Variants in DCC observed in about 807,000 individuals in gnomAD.
DCC encodes DCC netrin 1 receptor.
In DCC, 58 loss-of-function variants were observed where a neutral mutation model predicts 172.5. That is an observed-to-expected ratio of 0.34 (90% CI 0.27 to 0.42). DCC has a LOEUF of 0.42. Ranked by LOEUF, DCC falls within the 10% of genes least tolerant of loss-of-function variation. DCC has a pLI of 1.00. For missense variants in DCC, 1,740 were observed against 1,791.0 expected (o/e 0.97, Z 0.51); for synonymous variants, 709 against 644.5 (o/e 1.10, Z -1.52).
chr18:53,103,830 T>C (rs1458524358), intron 7 of DCC, among the ~76,000 whole-genome samples: 1 of 152,016 alleles, frequency 6.6e-6, no homozygotes, highest in African/African-American at 2.4e-5. Flanking sequence ...AGGTTAAGCA[T>C]GTGAGTGTCC....
chr18:53,345,246 C>T (rs931746033), intron 15 of DCC, among the ~76,000 whole-genome samples: 7 of 151,682 alleles, frequency 4.6e-5, no homozygotes, highest in Non-Finnish European at 8.8e-5. Flanking sequence ...AACAGTGGCC[C>T]CTCAACTATA....
chr18:52,990,836 T>C (rs1325527268), intron 5 of DCC, among the ~76,000 whole-genome samples: 2 of 152,192 alleles, frequency 1.3e-5, no homozygotes, highest in Non-Finnish European at 2.9e-5. Context: ...CAAAATATTA[T>C]TTTAAGCCAA....
At chr18:53,161,355 C>T (rs1044265045) in intron 8 of DCC, among the ~76,000 whole-genome samples, 1 of 152,282 alleles carries the variant, frequency 6.6e-6, no homozygotes, top group Admixed American at 6.5e-5. Context: ...CTCATTCACT[C>T]AGTTTCCTAT....
chr18:53,222,639 G>T (rs2055959562), intron 12 of DCC, among the ~76,000 whole-genome samples: 1 of 150,998 alleles, frequency 6.6e-6, no homozygotes, highest in East Asian at 1.9e-4. Flanking sequence ...GCCCGCCTCG[G>T]CCTCCCAAAA....
At chr18:53,412,847 A>G (rs997823530) in intron 20 of DCC, among the ~76,000 whole-genome samples, 3 of 152,204 alleles carry the variant, frequency 2.0e-5, no homozygotes, top group Non-Finnish European at 2.9e-5. Flanking sequence ...TTAAAAGGAC[A>G]TTTGTAATTA....
intron 1 of DCC, among the ~76,000 whole-genome samples, chr18:52,576,839 A>G (rs865836713): frequency 1.1e-4 from 17 of 151,734 alleles, no homozygotes; most frequent in African/African-American, 2.9e-4. Context: ...CAAAAAAAAA[A>G]AAAAAGAAAA....
chr18:52,490,148 G>A (rs1485065575), intron 1 of DCC, among the ~76,000 whole-genome samples: 2 of 152,000 alleles, frequency 1.3e-5, no homozygotes, highest in Non-Finnish European at 2.9e-5. Flanking sequence ...CCCCACTAGA[G>A]GCTAAAAGCA....
intron 5 of DCC, among the ~76,000 whole-genome samples, chr18:53,053,240 C>T (rs549364158): frequency 3.3e-5 from 5 of 152,116 alleles, no homozygotes; most frequent in South Asian, 4.1e-4. Context: ...TGATGTTCGG[C>T]GGTGTTAGTG....
intron 25 of DCC, among the ~76,000 whole-genome samples, chr18:53,477,392 T>A (rs1223061380): frequency 6.6e-6 from 1 of 152,198 alleles, no homozygotes; most frequent in Non-Finnish European, 1.5e-5. Flanking sequence ...TGTTTAAAAA[T>A]TTTGTATCTG....
chr18:53,144,445 G>C (rs180856153), intron 7 of DCC, among the ~76,000 whole-genome samples: 1 of 152,236 alleles, frequency 6.6e-6, no homozygotes, highest in Non-Finnish European at 1.5e-5. Context: ...GGAAGAGCAC[G>C]GGACATCTTA....
intron 1 of DCC, among the ~76,000 whole-genome samples, chr18:52,727,433 T>TA (rs920752035): frequency 6.6e-6 from 1 of 152,134 alleles, no homozygotes; most frequent in African/African-American, 2.4e-5. Context: ...GTGTAATGAA[T>TA]AACAGAGTTT....
chr18:52,730,003 G>A (rs1271945292), intron 1 of DCC, among the ~76,000 whole-genome samples: 1 of 152,156 alleles, frequency 6.6e-6, no homozygotes, highest in African/African-American at 2.4e-5. Flanking sequence ...TTGAAGCACT[G>A]ACTTAAAAAC....
chr18:53,244,851 G>C (rs1726757577), intron 12 of DCC, among the ~76,000 whole-genome samples: 1 of 152,050 alleles, frequency 6.6e-6, no homozygotes. Context: ...GTGTGATACT[G>C]TCTATGAGAT....
intron 7 of DCC, among the ~76,000 whole-genome samples, chr18:53,124,299 G>A (rs979170800): frequency 1.3e-5 from 2 of 152,024 alleles, no homozygotes; most frequent in African/African-American, 4.8e-5. Flanking sequence ...ACCATAATTT[G>A]TAAATATTTA....
At chr18:52,807,658 A>G (rs933917943) in intron 2 of DCC, among the ~76,000 whole-genome samples, 1 of 150,020 alleles carries the variant, frequency 6.7e-6, no homozygotes. Context: ...ATATCAGTCT[A>G]AAATAAATCA....
chr18:53,206,183 C>CAT (rs1456473084), intron 10 of DCC, among the ~76,000 whole-genome samples: 60 of 1,096 alleles, frequency 0.055, no homozygotes, highest in Non-Finnish European at 0.11. Context: ...ATATATAATA[C>CAT]ATATACGTAT....
chr18:53,348,008 CT>C (rs1225383126), intron 15 of DCC, among the ~76,000 whole-genome samples: 1 of 152,142 alleles, frequency 6.6e-6, no homozygotes, highest in Admixed American at 6.6e-5. Context: ...CATTCTGCCC[CT>C]GGCCCCTCCC....
chr18:52,677,438 C>G (rs2035664067), intron 1 of DCC, among the ~76,000 whole-genome samples: 1 of 151,962 alleles, frequency 6.6e-6, no homozygotes, highest in African/African-American at 2.4e-5. Context: ...ATAGCAGATT[C>G]TATGTTTCAT....
rs1415142558 is a variant in DCC at position 52,705,258 on chromosome 18, C to G, written c.92-46796C>G. 2.0e-5 allele frequency among the ~76,000 whole-genome samples: 3 copies of G among 152,090 alleles called. No individual in the cohort carries two copies. In the East Asian group the frequency reaches 5.8e-4, roughly 29 times the overall value. ...TCTCCTAATATGATTCCTAAAAATTCCTGGTTTTCAGATGGGTTAATTAAA... is the reference window on the plus strand; with the variant it reads ...TCTCCTAATATGATTCCTAAAAATTGCTGGTTTTCAGATGGGTTAATTAAA... On this transcript the variant is annotated intron_variant, in intron 1 of 28. Coordinates refer to ENST00000442544, the MANE Select transcript of DCC (RefSeq NM_005215.4).
Sources: gnomAD v4.1 joint callset for allele counts (sites outside exome capture counted in the v4.1 genomes callset) on GRCh38, gnomAD v4.1.1 for gene constraint, MANE v1.5 for transcripts, NCBI Gene and HGNC (gene_info 2026-07-23, HGNC 2026-07-21) for gene names.